Variants in GLT1D1 observed in about 807,000 individuals in gnomAD.
GLT1D1 encodes glycosyltransferase 1 domain-containing protein 1.
A neutral mutation model predicts 28.7 loss-of-function variants in GLT1D1; 21 were observed. That is an observed-to-expected ratio of 0.73 (90% CI 0.52 to 1.05). The LOEUF (loss-of-function observed/expected upper bound fraction) is 1.05. Among genes scored for constraint, GLT1D1 ranks in the 50% least tolerant of loss-of-function variants. The probability of loss-of-function intolerance (pLI) is 0.00; values close to 1 mark genes in which losing one functional copy is unlikely to be tolerated. For missense variants in GLT1D1, 343 were observed against 330.6 expected (o/e 1.04, Z -0.29); for synonymous variants, 147 against 124.8 (o/e 1.18, Z -1.19).
intron 7 of GLT1D1, among the ~76,000 whole-genome samples, chr12:128,981,703 A>G (rs1593224716): frequency 6.6e-6 from 1 of 152,222 alleles, no homozygotes; most frequent in South Asian, 2.1e-4. Context: ...TGGAATTTAC[A>G]TGGGCTGTGG....
intron 4 of GLT1D1, among the ~76,000 whole-genome samples, chr12:128,913,980 T>C (rs1377944543): frequency 6.6e-6 from 1 of 152,172 alleles, no homozygotes; most frequent in Non-Finnish European, 1.5e-5. Context: ...AATGGGCGCT[T>C]GTTAAATAGC....
intron 4 of GLT1D1, among the ~76,000 whole-genome samples, chr12:128,940,101 A>C (rs796123754): frequency 2.0e-5 from 3 of 151,640 alleles, no homozygotes; most frequent in South Asian, 4.2e-4. Flanking sequence ...CAACAGATGT[A>C]TTTTGTATTG....
At chr12:128,955,518 A>AT (rs33990173) in intron 6 of GLT1D1, among the ~76,000 whole-genome samples, 4 of 148,892 alleles carry the variant, frequency 2.7e-5, no homozygotes, top group Admixed American at 6.7e-5. Flanking sequence ...TCGGTGTTGT[A>AT]TTTTTTTTTT....
chr12:128,861,645 T>G (rs1054015196), intron 1 of GLT1D1, among the ~76,000 whole-genome samples: 1 of 152,172 alleles, frequency 6.6e-6, no homozygotes. Context: ...GTTGTGTTTC[T>G]CCATCTGGAA....
chr12:128,854,993 G>A (rs992213225), intron 1 of GLT1D1, among the ~76,000 whole-genome samples: 2 of 152,112 alleles, frequency 1.3e-5, no homozygotes, highest in Non-Finnish European at 2.9e-5. Flanking sequence ...CTTGGGTTTA[G>A]CAGTGAGGAG....
chr12:128,912,615 A>T (rs1871657526), intron 4 of GLT1D1, among the ~76,000 whole-genome samples, 155 bp downstream of exon 5: 1 of 152,136 alleles, frequency 6.6e-6, no homozygotes, highest in Non-Finnish European at 1.5e-5. Context: ...TATGAAGGAG[A>T]TAATATGATT....
At chr12:128,930,040 G>A (rs1478797115) in intron 4 of GLT1D1, among the ~76,000 whole-genome samples, 1 of 152,118 alleles carries the variant, frequency 6.6e-6, no homozygotes, top group African/African-American at 2.4e-5. Flanking sequence ...AATACCATAT[G>A]GAAGATAAAT....
In GLT1D1 at chr12:128,853,621, G is replaced by A. The variant is rs781523735; in HGVS notation, c.40G>A (p.Gly14Ser). ...CCTGGCGGTGCTGCGGCCACACACC[G>A]GCAACGCGGTCACGGCCCAGCGCGT... Residue 14 changes from glycine to serine, a missense_variant, in exon 1 of 8, where the codon GGC becomes AGC. Transcript: ENST00000281703. 16 of 1,180,186 alleles carry A rather than the reference G, an allele frequency of 1.4e-5. 1 individual carries two copies. The South Asian group carries it at 3.7e-4, about 27-fold the overall frequency. The allele number at this position is 1,180,186 out of a possible 1,614,324, so 73.1% of individuals were successfully genotyped here. A position where few individuals can be genotyped will look rare whatever the true frequency, so the allele number is the denominator to read the frequency against.
At chr12:128,909,206 TC>T (rs1184902731) in intron 4 of GLT1D1, among the ~76,000 whole-genome samples, 6 of 150,426 alleles carry the variant, frequency 4.0e-5, no homozygotes, top group Non-Finnish European at 3.0e-5. Context: ...TTAAAGTACT[TC>T]CTAGTAAAAA....
At chr12:128,876,961 A>G (rs1956883792) in intron 2 of GLT1D1, among the ~76,000 whole-genome samples, 1 of 152,228 alleles carries the variant, frequency 6.6e-6, no homozygotes, top group African/African-American at 2.4e-5. Flanking sequence ...TGAGCTTTCA[A>G]TTAATAGTAA....
chr12:128,889,242 C>A (rs1402846546), intron 3 of GLT1D1, among the ~76,000 whole-genome samples: 1 of 152,190 alleles, frequency 6.6e-6, no homozygotes, highest in African/African-American at 2.4e-5. Context: ...CCCAAGTAGA[C>A]TATCTTTGGC....
chr12:128,942,068 T>C (rs528035648), intron 4 of GLT1D1, among the ~76,000 whole-genome samples: 1 of 152,036 alleles, frequency 6.6e-6, no homozygotes, highest in Admixed American at 6.6e-5. Flanking sequence ...TTCAGGCTTT[T>C]GCTAACATGT....
chr12:128,931,784 C>G (rs556403943), intron 4 of GLT1D1, among the ~76,000 whole-genome samples: 4 of 152,300 alleles, frequency 2.6e-5, no homozygotes, highest in African/African-American at 9.6e-5. Flanking sequence ...AGTCCAGAGG[C>G]CTCCTCTTTT....
At chr12:128,959,411 T>TGGGCG (rs1387226947) in intron 7 of GLT1D1, among the ~76,000 whole-genome samples, 645 of 31,316 alleles carry the variant, frequency 0.021, 21 homozygotes, top group Non-Finnish European at 0.031. Flanking sequence ...CATGAGGCAG[T>TGGGCG]GGGGGGGGAC....
intron 4 of GLT1D1, chr12:128,926,378 T>C (rs1408218159): frequency 1.3e-6 from 2 of 1,524,838 alleles, no homozygotes; most frequent in Middle Eastern, 1.7e-4. Context: ...AAAGTGCTGA[T>C]AATTTGCACA....
At chr12:128,860,038 T>C (rs1956316907) in intron 1 of GLT1D1, among the ~76,000 whole-genome samples, 1 of 152,232 alleles carries the variant, frequency 6.6e-6, no homozygotes, top group South Asian at 2.1e-4. Flanking sequence ...AAGTTTCCTT[T>C]AAGTATAACC....
At chr12:128,917,650 C>T (rs898108512) in intron 4 of GLT1D1, among the ~76,000 whole-genome samples, 1 of 152,160 alleles carries the variant, frequency 6.6e-6, no homozygotes. Flanking sequence ...CAGAAAGACA[C>T]CCCAAGTCTG....
chr12:128,979,763 A>T (rs1039582950), intron 7 of GLT1D1, among the ~76,000 whole-genome samples: 2 of 151,856 alleles, frequency 1.3e-5, no homozygotes, highest in Non-Finnish European at 2.9e-5. Flanking sequence ...AAAAAAAAAA[A>T]GATGAGAAAA....
In GLT1D1 at chr12:128,983,479, T is replaced by C; in HGVS notation, c.*389T>C. ...CCTCCCGCCTGCCTTCTGACCAACCTCTCCCCATCGTTGCCAGTTTGAAAG... is the reference window on the plus strand; with the variant it reads ...CCTCCCGCCTGCCTTCTGACCAACCCCTCCCCATCGTTGCCAGTTTGAAAG... On this transcript the variant is annotated 3_prime_UTR_variant, in exon 8 of 8. Transcript: ENST00000281703. This position sits in a 1 kb window ranked among gnomAD's most constrained non-coding sequence, Gnocchi z 4.7. 5.9e-6 allele frequency: 1 copy of C among 168,226 alleles called. No individual in the cohort carries two copies. The allele number at this position is 168,226 out of a possible 1,614,324, so 10.4% of individuals were successfully genotyped here.
Sources: gnomAD v4.1 joint callset for allele counts (sites outside exome capture counted in the v4.1 genomes callset) on GRCh38, gnomAD v4.1.1 for gene constraint, Gnocchi (gnomAD v3.1) non-coding constraint, MANE v1.5 for transcripts, NCBI Gene and HGNC (gene_info 2026-07-23, HGNC 2026-07-21) for gene names.